ZNF707: variants seen among roughly 807,000 people sequenced by gnomAD.
The protein encoded by ZNF707 is zinc finger protein 707.
Under a neutral mutation model 13.3 loss-of-function variants are expected in ZNF707, and 8 were observed. The observed-to-expected ratio is 0.60, with a 90% confidence interval of 0.35 to 1.09. ZNF707 has a LOEUF of 1.09. ZNF707 is among the 50% of genes least tolerant of loss of function. The pLI, the probability that ZNF707 is intolerant of heterozygous loss-of-function variation, is 0.02. For missense variants in ZNF707, 530 were observed against 512.6 expected (o/e 1.03, Z -0.33); for synonymous variants, 225 against 205.6 (o/e 1.09, Z -0.81).
chr8:143,694,582 G>C lies in ZNF707; in HGVS notation c.*52G>C. On this transcript the variant is annotated 3_prime_UTR_variant, in exon 6 of 6. Coordinates refer to ENST00000358656, the MANE Select transcript of ZNF707 (RefSeq NM_001100598.2). This position sits in a 1 kb window ranked among gnomAD's most constrained non-coding sequence, Gnocchi z 4.4. ...CCTCTGCGGGAGTACTGGGTCCTGA[G>C]GGAGAGCTGCAGTGAGAAGTTGCTC... is the stretch of plus-strand genomic sequence containing the variant. 1.3e-6 allele frequency: 2 copies of C among 1,507,884 alleles called. No homozygotes were observed. The highest frequency in any genetic ancestry group is 2.8e-5 in the African/African-American group (2 of 72,204). 93.4% of individuals were successfully genotyped at this position (1,507,884 alleles called of 1,614,324 possible). A position where few individuals can be genotyped will look rare whatever the true frequency, so the allele number is the denominator to read the frequency against.
In ZNF707 at chr8:143,694,741, G is replaced by A; in HGVS notation, c.*211G>A. 2 of 579,980 alleles carry A rather than the reference G, an allele frequency of 3.4e-6. No individual in the cohort carries two copies. The highest frequency in any genetic ancestry group is 6.0e-5 in the East Asian group (2 of 33,070). 35.9% of individuals were successfully genotyped at this position (579,980 alleles called of 1,614,324 possible). ...CATGGGTACGCCGGAGATGGCGGGG[G>A]CTCTGGAGATGGCGGGGGCTGCGCC... is the stretch of plus-strand genomic sequence containing the variant. On this transcript the variant is annotated 3_prime_UTR_variant, in exon 6 of 6. Coordinates refer to ENST00000358656, the MANE Select transcript of ZNF707 (RefSeq NM_001100598.2). This position sits in a 1 kb window ranked among gnomAD's most constrained non-coding sequence, Gnocchi z 4.4.
At chr8:143,691,734 G>T in intron 5 of ZNF707, 21 bp downstream of exon 5, 1 of 1,552,612 alleles carries the variant, frequency 6.4e-7, no homozygotes. Context: ...GGCTGTCTGG[G>T]CTCGGCGGGC....
At chr8:143,686,174 T>C (rs1554611942) in intron 1 of ZNF707, among the ~76,000 whole-genome samples, 1 of 152,088 alleles carries the variant, frequency 6.6e-6, no homozygotes, top group East Asian at 1.9e-4. Context: ...CTCGGCTCAC[T>C]GCAACCTCCG....
At position 143,690,950 on chromosome 8, in the gene ZNF707, T is replaced by C. The variant is rs147869624; in HGVS notation, c.16-123T>C. The C allele has an allele frequency of 6.8e-4, 863 of 1,269,638 alleles. 4 individuals are homozygous for C. The African/African-American group carries it at 0.011, about 16-fold the overall frequency. The allele number at this position is 1,269,638 out of a possible 1,614,324, so 78.6% of individuals were successfully genotyped here. ...GGGGCTCTGGGCTTCAGTGAATGGA[T>C]TTAGGGGACACAAACAATCAGTCCA... is the stretch of plus-strand genomic sequence containing the variant. On this transcript the variant is annotated intron_variant, in intron 3 of 5. Coordinates refer to ENST00000358656, the MANE Select transcript of ZNF707 (RefSeq NM_001100598.2).
rs781895732 is a variant in ZNF707 at position 143,693,830 on chromosome 8, A to G, written c.416A>G (p.Glu139Gly). The part of the protein sequence containing the change: ...DDGQLPRAAP[E>G]RTDAKPTAFP... ...GGGCAGCTTCCCAGAGCTGCTCCAG[A>G]AAGGACAGACGCCAAGCCCACGGCT... The change falls in exon 6 of 6, where the codon GAA (glutamate) becomes GGA (glycine). Residue 139 changes from glutamate (E) to glycine (G), a missense_variant. By Grantham distance (98) the Glu-to-Gly change is moderately conservative. Coordinates refer to ENST00000358656, the MANE Select transcript of ZNF707 (RefSeq NM_001100598.2). This position sits in a 1 kb window ranked among gnomAD's most constrained non-coding sequence, Gnocchi z 4.1. 1 of 1,612,600 alleles carries G rather than the reference A, an allele frequency of 6.2e-7. No individual in the cohort carries two copies.
At position 143,693,656 on chromosome 8, in the gene ZNF707, C is replaced by G. The variant is rs1817048842; in HGVS notation, c.257-15C>G. The G allele has an allele frequency of 1.3e-5, 20 of 1,558,248 alleles. No homozygotes were observed. The highest frequency in any genetic ancestry group is 1.6e-5 in the Non-Finnish European group (19 of 1,154,444). The stretch of plus-strand genomic sequence containing the variant: ...GGCCACTGGCTCTGTGTAAGGGTGT[C>G]TGTTCCTTCCACAGGGGCAAGGAAG... On this transcript the variant is annotated splice_polypyrimidine_tract_variant and intron_variant, in intron 5 of 5. Transcript: ENST00000358656. The surrounding 1 kb of genome is among the most constrained non-coding windows in gnomAD (Gnocchi z 4.1).
At chr8:143,690,942 T>G (rs1816747807) in intron 3 of ZNF707, 131 bp from the exon 4 acceptor site, 2 of 1,216,526 alleles carry the variant, frequency 1.6e-6, no homozygotes, top group African/African-American at 1.5e-5. Flanking sequence ...TGGGCTTCAG[T>G]GAATGGATTT....
intron 2 of ZNF707, 38 bp from the exon 3 acceptor site, chr8:143,690,019 A>C: frequency 6.3e-7 from 1 of 1,577,516 alleles, no homozygotes; most frequent in Admixed American, 1.7e-5. Flanking sequence ...GGGCATTCCC[A>C]GGCCGGCTAT....
At position 143,694,859 on chromosome 8, in the gene ZNF707, T is replaced by G; in HGVS notation, c.*329T>G. The G allele has an allele frequency of 3.7e-6, 1 of 272,488 alleles. No homozygotes were observed. The highest frequency in any genetic ancestry group is 6.4e-5 in the East Asian group (1 of 15,532). The allele number at this position is 272,488 out of a possible 1,614,324, so 16.9% of individuals were successfully genotyped here. A position where few individuals can be genotyped will look rare whatever the true frequency, so the allele number is the denominator to read the frequency against. On this transcript the variant is annotated 3_prime_UTR_variant, in exon 6 of 6. Transcript: ENST00000358656. This position sits in a 1 kb window ranked among gnomAD's most constrained non-coding sequence, Gnocchi z 4.4. ...CTCAGAGGCGGAGAAGCCTGCCTGG[T>G]GCCCACAGCCGTCTGGCTCAGGGAC...
rs1817212983 is a variant in ZNF707, at chr8:143,694,999, G to A, written c.*469G>A. The stretch of plus-strand genomic sequence containing the variant: ...TCTCTGTCTTGGGCGAGGCAGCTGT[G>A]AGCATTGCACAGAGGCAAAGACCCT... On this transcript the variant is annotated 3_prime_UTR_variant, in exon 6 of 6. Coordinates refer to ENST00000358656, the MANE Select transcript of ZNF707 (RefSeq NM_001100598.2). This position sits in a 1 kb window ranked among gnomAD's most constrained non-coding sequence, Gnocchi z 4.4. The A allele has an allele frequency of 6.0e-6, 1 of 166,778 alleles. No individual in the cohort carries two copies. 10.3% of individuals were successfully genotyped at this position (166,778 alleles called of 1,614,324 possible).
At position 143,694,040 on chromosome 8, in the gene ZNF707, G is replaced by C. The variant is rs1337865331; in HGVS notation, c.626G>C (p.Cys209Ser). 1 of 1,607,100 alleles carries C rather than the reference G, an allele frequency of 6.2e-7. No homozygotes were observed. Among genetic ancestry groups the C allele is most frequent in the African/African-American group, 1.3e-5 (1 of 74,870 alleles). The change falls in exon 6 of 6, where the codon TGC (cysteine) becomes TCC (serine). Residue 209 changes from cysteine to serine, a missense_variant. Coordinates refer to ENST00000358656, the MANE Select transcript of ZNF707 (RefSeq NM_001100598.2). This position sits in a 1 kb window ranked among gnomAD's most constrained non-coding sequence, Gnocchi z 4.4. ...TGTKAFECPE[C>S]GQTFRWASNL... Reference sequence around the variant, plus strand: ...ACCAAGGCCTTCGAGTGCCCCGAGTGCGGCCAGACCTTCCGGTGGGCTTCA... The same window carrying C: ...ACCAAGGCCTTCGAGTGCCCCGAGTCCGGCCAGACCTTCCGGTGGGCTTCA...
chr8:143,688,283 A>G (rs1554612644), intron 1 of ZNF707, among the ~76,000 whole-genome samples: 1 of 152,186 alleles, frequency 6.6e-6, no homozygotes, highest in African/African-American at 2.4e-5. Flanking sequence ...AAAAATATCA[A>G]GTTGAAAAGC....
intron 3 of ZNF707, 98 bp from the exon 4 acceptor site, chr8:143,690,975 A>T: frequency 6.8e-7 from 1 of 1,462,474 alleles, no homozygotes; most frequent in Non-Finnish European, 9.2e-7. Flanking sequence ...CAATCAGTCC[A>T]CCGCAGGGCC....
chr8:143,686,103 G>A (rs1450628230), intron 1 of ZNF707, among the ~76,000 whole-genome samples: 1 of 151,182 alleles, frequency 6.6e-6, no homozygotes, highest in African/African-American at 2.4e-5. Flanking sequence ...TTTTGTTTTT[G>A]TTTTTGTTTT....
At chr8:143,690,475 AT>A (rs1274638637) in intron 3 of ZNF707, 3 of 265,662 alleles carry the variant, frequency 1.1e-5, no homozygotes, top group Non-Finnish European at 2.1e-5. Context: ...AGGCAGGAGA[AT>A]TGCTTGAACC....
At chr8:143,686,173 C>T (rs1554611940) in intron 1 of ZNF707, among the ~76,000 whole-genome samples, 1 of 152,128 alleles carries the variant, frequency 6.6e-6, no homozygotes, top group Non-Finnish European at 1.5e-5. Context: ...TCTCGGCTCA[C>T]TGCAACCTCC....
rs1817183925 is a variant in ZNF707, at chr8:143,694,708, A to G, written c.*178A>G. ...ACTGGGAAAACTGCCAGGTGGGAGA[A>G]GCAGAGCCATGGGTACGCCGGAGAT... On this transcript the variant is annotated 3_prime_UTR_variant, in exon 6 of 6. Coordinates refer to ENST00000358656, the MANE Select transcript of ZNF707 (RefSeq NM_001100598.2). The surrounding 1 kb of genome is among the most constrained non-coding windows in gnomAD (Gnocchi z 4.4). 2.8e-6 allele frequency: 2 copies of G among 711,538 alleles called. No individual in the cohort carries two copies. Among genetic ancestry groups the G allele is most frequent in the African/African-American group, 1.8e-5 (1 of 55,808 alleles). The allele number at this position is 711,538 out of a possible 1,614,324, so 44.1% of individuals were successfully genotyped here.
At position 143,694,076 on chromosome 8, in the gene ZNF707, G is replaced by T. The variant is rs1243990605; in HGVS notation, c.662G>T (p.Arg221Leu). 1 of 1,606,710 alleles carries T rather than the reference G, an allele frequency of 6.2e-7. No individual in the cohort carries two copies. The change falls in exon 6 of 6, where the codon CGC becomes CTC. Residue 221 changes from arginine (R) to leucine (L), a missense_variant. Arg to Leu is a moderately radical substitution (Grantham distance 102). Coordinates refer to ENST00000358656, the MANE Select transcript of ZNF707 (RefSeq NM_001100598.2). The surrounding 1 kb of genome is among the most constrained non-coding windows in gnomAD (Gnocchi z 4.4). ...QTFRWASNLQ[R>L]HQKNHTREKP... ...TTCCGGTGGGCTTCAAACCTGCAGC[G>T]CCACCAGAAGAACCACACGCGCGAG...
In ZNF707 at chr8:143,691,647, G is replaced by A. The variant is rs1229221261; in HGVS notation, c.190G>A (p.Glu64Lys). ...PDLVSRLEQW[E>K]EPWVEDRERP... ...CCTCGTCTCTCGCCTGGAACAGTGG[G>A]AGGAGCCGTGGGTTGAAGACCGGGA... Residue 64 changes from glutamate (E) to lysine (K), a missense_variant, in exon 5 of 6, where the codon GAG becomes AAG. Glu to Lys is a moderately conservative substitution (Grantham distance 56). Transcript: ENST00000358656. The A allele has an allele frequency of 6.8e-6, 11 of 1,609,702 alleles. No individual in the cohort carries two copies. In the Admixed American group the frequency reaches 1.7e-4, roughly 25 times the overall value.
Sources: gnomAD v4.1 joint callset for allele counts (sites outside exome capture counted in the v4.1 genomes callset) on GRCh38, gnomAD v4.1.1 for gene constraint, Gnocchi (gnomAD v3.1) non-coding constraint, MANE v1.5 for transcripts, NCBI Gene and HGNC (gene_info 2026-07-23, HGNC 2026-07-21) for gene names.